CCR9: variants seen among roughly 807,000 people sequenced by gnomAD.
The protein encoded by CCR9 is C-C motif chemokine receptor 9, also known as C-C chemokine receptor type 9.
CCR9 carries 4 observed loss-of-function variants against 8.7 expected under a neutral mutation model. That is an observed-to-expected ratio of 0.46 (90% CI 0.23 to 1.06). The LOEUF (loss-of-function observed/expected upper bound fraction) is 1.06. Among genes scored for constraint, CCR9 ranks in the 50% least tolerant of loss-of-function variants. CCR9 has a pLI of 0.21. For missense variants in CCR9, 394 were observed against 453.6 expected (o/e 0.87, Z 1.19); for synonymous variants, 159 against 168.8 (o/e 0.94, Z 0.45).
chr3:45,894,863 G>A (rs1382742707), intron 1 of CCR9, 43 bp from the exon 2 acceptor site: 16 of 1,451,096 alleles, frequency 1.1e-5, no homozygotes, highest in South Asian at 3.4e-5. Flanking sequence ...GTTACTATTC[G>A]TTTACAAGCC....
intron 1 of CCR9, among the ~76,000 whole-genome samples, chr3:45,887,630 C>T (rs893515882): frequency 1.3e-5 from 2 of 152,256 alleles, no homozygotes; most frequent in African/African-American, 4.8e-5. Flanking sequence ...TCCTTACTCC[C>T]TTTCCTGAAC....
At chr3:45,893,965 A>G (rs189664414) in intron 1 of CCR9, among the ~76,000 whole-genome samples, 1 of 152,364 alleles carries the variant, frequency 6.6e-6, no homozygotes, top group East Asian at 1.9e-4. Flanking sequence ...AAGGAAGCCA[A>G]CAGGTTGGCT....
rs1213703044 is a variant in CCR9, at chr3:45,901,527, T to A, written c.739T>A (p.Ser247Thr). The change falls in exon 3 of 3, where the codon TCT becomes ACT. Residue 247 changes from serine to threonine, a missense_variant. By Grantham distance (58) the Ser-to-Thr change is moderately conservative. Transcript: ENST00000357632. The surrounding 1 kb of genome is among the most constrained non-coding windows in gnomAD (Gnocchi z 4.3). ...TCACACCCTGATACAAGCCAAGAAGTCTTCCAAGCACAAAGCCCTAAAAGT... is the reference window on the plus strand; with the variant it reads ...TCACACCCTGATACAAGCCAAGAAGACTTCCAAGCACAAAGCCCTAAAAGT... The part of the protein sequence containing the change: ...IIHTLIQAKK[S>T]SKHKALKVTI... The A allele has an allele frequency of 6.2e-7, 1 of 1,614,206 alleles. No homozygotes were observed.
At chr3:45,897,053 G>C (rs1702378190) in intron 2 of CCR9, among the ~76,000 whole-genome samples, 1 of 152,198 alleles carries the variant, frequency 6.6e-6, no homozygotes, top group Non-Finnish European at 1.5e-5. Flanking sequence ...GAGGGAAGAG[G>C]ACGTGCCTGT....
intron 2 of CCR9, among the ~76,000 whole-genome samples, chr3:45,899,716 G>A (rs1702483691): frequency 6.6e-6 from 1 of 152,096 alleles, no homozygotes; most frequent in South Asian, 2.1e-4. Context: ...TGTGGGCAGA[G>A]GTTTTGGAAG....
intron 2 of CCR9, among the ~76,000 whole-genome samples, chr3:45,897,204 C>A (rs1489862138): frequency 1.3e-5 from 2 of 152,176 alleles, no homozygotes; most frequent in Admixed American, 1.3e-4. Flanking sequence ...ATCCATCAGG[C>A]ATGTGCAAAA....
chr3:45,888,710 C>T (rs562321764), intron 1 of CCR9, among the ~76,000 whole-genome samples: 24 of 152,240 alleles, frequency 1.6e-4, no homozygotes, highest in South Asian at 8.3e-4. Context: ...ATATTTTTCC[C>T]GCTTTCTCAC....
chr3:45,901,667 C>T lies in CCR9; in HGVS notation c.879C>T (p.Thr293=). ...TCATCTCCAACTGTGCCGTTTCCAC[C>T]AACATTGACATCTGCTTCCAGGTCA... ...AMFISNCAVS[T]NIDICFQVTQ... Residue 293 remains threonine (T), a synonymous_variant, in exon 3 of 3, where the codon ACC becomes ACT. Transcript: ENST00000357632. The surrounding 1 kb of genome is among the most constrained non-coding windows in gnomAD (Gnocchi z 4.3). 6.2e-7 allele frequency: 1 copy of T among 1,613,922 alleles called. No individual in the cohort carries two copies.
chr3:45,890,256 G>GAAATATATACATATATTTATAT (rs1702107132), intron 1 of CCR9, among the ~76,000 whole-genome samples: 1 of 20,990 alleles, frequency 4.8e-5, no homozygotes, highest in African/African-American at 1.9e-4. Flanking sequence ...CTGGGTATTA[G>GAAATATATACATATATTTATAT]AAATATATAT....
At position 45,902,161 on chromosome 3, in the gene CCR9, C is replaced by G. The variant is rs1702580599; in HGVS notation, c.*263C>G. On this transcript the variant is annotated 3_prime_UTR_variant, in exon 3 of 3. Transcript: ENST00000357632. ...ACTAAGGACCGGCACTGTGGAGCAC[C>G]CTGGCTTTGCCACTCGCCGGAGCAT... is the stretch of plus-strand genomic sequence containing the variant. 5.6e-6 allele frequency: 2 copies of G among 357,148 alleles called. No individual in the cohort carries two copies. The highest frequency in any genetic ancestry group is 1.1e-5 in the Non-Finnish European group (2 of 189,504). The allele number at this position is 357,148 out of a possible 1,614,324, so 22.1% of individuals were successfully genotyped here.
intron 1 of CCR9, among the ~76,000 whole-genome samples, chr3:45,894,233 A>C (rs951453146): frequency 5.3e-5 from 8 of 152,174 alleles, no homozygotes; most frequent in Non-Finnish European, 8.8e-5. Context: ...GGGAACTAGA[A>C]CTCATTTTCT....
rs1702606886 is a variant in CCR9 at position 45,903,042 on chromosome 3, C to A, written c.*1144C>A. On this transcript the variant is annotated 3_prime_UTR_variant, in exon 3 of 3. Coordinates refer to ENST00000357632, the MANE Select transcript of CCR9 (RefSeq NM_031200.3). Reference sequence around the variant, plus strand: ...TTTCTTATCATGATTTGGCAAAATGCATCACCTTTGAAAATATTTCACATA... The same window carrying A: ...TTTCTTATCATGATTTGGCAAAATGAATCACCTTTGAAAATATTTCACATA... The A allele has an allele frequency of 6.0e-6, 1 of 167,080 alleles. No individual in the cohort carries two copies. Among genetic ancestry groups the A allele is most frequent in the Middle Eastern group, 3.1e-3 (1 of 318 alleles). The allele number at this position is 167,080 out of a possible 1,614,324, so 10.3% of individuals were successfully genotyped here.
intron 2 of CCR9, among the ~76,000 whole-genome samples, chr3:45,898,006 A>G (rs1252639031): frequency 6.6e-6 from 1 of 151,562 alleles, no homozygotes; most frequent in Non-Finnish European, 1.5e-5. Context: ...CACAAAACAC[A>G]AAACACCAAC....
Position 45,901,792 on chromosome 3 carries a change from T to G in CCR9, c.1004T>G (p.Leu335Trp). 6.2e-7 allele frequency: 1 copy of G among 1,614,076 alleles called. No individual in the cohort carries two copies. Among genetic ancestry groups the G allele is most frequent in the Non-Finnish European group, 8.5e-7 (1 of 1,179,998 alleles). The change falls in exon 3 of 3, where the codon TTG (leucine) becomes TGG (tryptophan). Residue 335 changes from leucine (L) to tryptophan (W), a missense_variant. Physicochemically the swap from Leu to Trp is moderately conservative, Grantham distance 61. Transcript: ENST00000357632. The surrounding 1 kb of genome is among the most constrained non-coding windows in gnomAD (Gnocchi z 4.3). Reference protein sequence around the residue: ...RRDLVKTLKNLGCISQAQWVS... With the variant: ...RRDLVKTLKNWGCISQAQWVS... ...GATCTCGTGAAAACCCTGAAGAACT[T>G]GGGTTGCATCAGCCAGGCCCAGTGG...
At chr3:45,896,335 T>C (rs951692044) in intron 2 of CCR9, among the ~76,000 whole-genome samples, 2 of 152,204 alleles carry the variant, frequency 1.3e-5, no homozygotes, top group African/African-American at 2.4e-5. Flanking sequence ...ACCTCAGTAA[T>C]GACCTGCTCT....
rs1702573433 is a variant in CCR9 at position 45,901,902 on chromosome 3, GT to G, written c.*5del. The G allele has an allele frequency of 6.3e-7, 1 of 1,580,176 alleles. No homozygotes were observed. On this transcript the variant is annotated 3_prime_UTR_variant, in exon 3 of 3. Transcript: ENST00000357632. This position sits in a 1 kb window ranked among gnomAD's most constrained non-coding sequence, Gnocchi z 4.3. ...CTCAGGAGCACTCTCCCTCTGAGGG[GT>G]CTTCTCTGAGGTGCATGGTTCTTTT...
At chr3:45,897,397 C>T (rs1281375385) in intron 2 of CCR9, among the ~76,000 whole-genome samples, 1 of 152,196 alleles carries the variant, frequency 6.6e-6, no homozygotes, top group Non-Finnish European at 1.5e-5. Flanking sequence ...TAATTCTCAC[C>T]CAGCAGAAAA....
chr3:45,894,994 A>G (rs773724315), intron 2 of CCR9, 40 bp downstream of exon 2: 2 of 1,601,634 alleles, frequency 1.2e-6, no homozygotes, highest in Non-Finnish European at 1.7e-6. Context: ...CAAAACACAC[A>G]CTCATCTTCC....
rs948721001 is a variant in CCR9, at chr3:45,902,819, A to G, written c.*921A>G. On this transcript the variant is annotated 3_prime_UTR_variant, in exon 3 of 3. Coordinates refer to ENST00000357632, the MANE Select transcript of CCR9 (RefSeq NM_031200.3). ...CCCTCTTCTTTCTGAGGCCCACTTT[A>G]TTCTGAGGAATACAGTGAGCAGATA... 1 of 167,084 alleles carries G rather than the reference A, an allele frequency of 6.0e-6. No individual in the cohort carries two copies. Among genetic ancestry groups the G allele is most frequent in the Admixed American group, 6.5e-5 (1 of 15,284 alleles). The allele number at this position is 167,084 out of a possible 1,614,324, so 10.4% of individuals were successfully genotyped here.
Sources: gnomAD v4.1 joint callset for allele counts (sites outside exome capture counted in the v4.1 genomes callset) on GRCh38, gnomAD v4.1.1 for gene constraint, Gnocchi (gnomAD v3.1) non-coding constraint, MANE v1.5 for transcripts, NCBI Gene and HGNC (gene_info 2026-07-23, HGNC 2026-07-21) for gene names.